The following PSME3 variants were observed in gnomAD, a reference collection of about 807,000 sequenced individuals.
PSME3 encodes proteasome activator subunit 3.
A neutral mutation model predicts 38.3 loss-of-function variants in PSME3; 7 were observed. The observed-to-expected ratio is 0.18, with a 90% confidence interval of 0.10 to 0.34. The LOEUF is 0.34. Ranked by LOEUF, PSME3 falls within the 10% of genes least tolerant of loss-of-function variation. The probability of loss-of-function intolerance (pLI) is 1.00; values close to 1 mark genes in which losing one functional copy is unlikely to be tolerated. For missense variants in PSME3, 192 were observed against 307.6 expected (o/e 0.62, Z 2.81); for synonymous variants, 108 against 105.7 (o/e 1.02, Z -0.13).
rs747536050 is a variant in PSME3, at chr17:42,833,646, G to A, written c.15G>A (p.Leu5=). The change falls in exon 1 of 11, where the codon CTG becomes CTA. Residue 5 remains leucine, a synonymous_variant. Transcript: ENST00000590720. MASL[L]KVDQEVKLKV... is the part of the protein sequence containing the mutation. ...CCGGCCCGGCCATGGCCTCGTTGCT[G>A]AAGGTGGATCAGGAAGTGAAGCTCA... is the stretch of plus-strand genomic sequence containing the variant. The A allele has an allele frequency of 1.2e-6, 2 of 1,614,126 alleles. No individual in the cohort carries two copies. The highest frequency in any genetic ancestry group is 1.3e-5 in the African/African-American group (1 of 74,944).
At position 42,843,274 on chromosome 17, in the gene PSME3, T is replaced by G. The variant is rs538726036; in HGVS notation, c.*1696T>G. On this transcript the variant is annotated 3_prime_UTR_variant, in exon 11 of 11. Transcript: ENST00000590720. ...GACCCTGGTGCAATGCTCTGGTGGC[T>G]AGGGATGTACTCATGCTCATATGTG... is the stretch of plus-strand genomic sequence containing the variant. 3 of 152,898 alleles carry G rather than the reference T, an allele frequency of 2.0e-5. No individual in the cohort carries two copies. The South Asian group carries it at 6.2e-4, about 32-fold the overall frequency. The allele number at this position is 152,898 out of a possible 1,614,324, so 9.5% of individuals were successfully genotyped here. A position where few individuals can be genotyped will look rare whatever the true frequency, so the allele number is the denominator to read the frequency against.
At chr17:42,835,875 G>C (rs184902345) in intron 4 of PSME3, among the ~76,000 whole-genome samples, 2 of 152,068 alleles carry the variant, frequency 1.3e-5, no homozygotes, top group African/African-American at 4.8e-5. Flanking sequence ...TCTTTGCTTT[G>C]CATCTCTAAC....
At chr17:42,834,697 A>G in intron 3 of PSME3, 75 bp from the exon 4 acceptor site, 1 of 1,604,152 alleles carries the variant, frequency 6.2e-7, no homozygotes, top group South Asian at 1.1e-5. Context: ...AAGCACTTTC[A>G]TTTCTTGCTC....
chr17:42,840,524 C>T (rs1257471934), intron 10 of PSME3, among the ~76,000 whole-genome samples: 1 of 151,534 alleles, frequency 6.6e-6, no homozygotes, highest in Non-Finnish European at 1.5e-5. Context: ...AGGAGAATCG[C>T]TTGAACCCAA....
chr17:42,834,654 G>T, intron 3 of PSME3, 77 bp downstream of exon 3: 3 of 1,601,796 alleles, frequency 1.9e-6, no homozygotes, highest in Admixed American at 3.5e-5. Flanking sequence ...ATAAACTGTT[G>T]ATTCTTCTTC....
intron 4 of PSME3, among the ~76,000 whole-genome samples, chr17:42,836,883 CTT>C (rs529455982): frequency 1.5e-4 from 21 of 137,266 alleles, no homozygotes; most frequent in Admixed American, 1.4e-4. Context: ...TCTTTATTTC[CTT>C]TTTTTTTTTT....
At chr17:42,834,962 A>G in intron 4 of PSME3, 86 bp downstream of exon 4, 1 of 1,561,762 alleles carries the variant, frequency 6.4e-7, no homozygotes, top group Middle Eastern at 1.8e-4. Flanking sequence ...GTACAGAGGG[A>G]ACAGTGGGAT....
intron 1 of PSME3, 196 bp from the exon 2 acceptor site, chr17:42,834,148 A>G (rs977581478): frequency 6.7e-7 from 1 of 1,487,210 alleles, no homozygotes; most frequent in Non-Finnish European, 8.9e-7. Flanking sequence ...GGAGACAGGC[A>G]GGTGCTGTCC....
chr17:42,837,784 C>A, intron 5 of PSME3, 87 bp downstream of exon 5: 1 of 1,443,094 alleles, frequency 6.9e-7, no homozygotes, highest in Non-Finnish European at 9.7e-7. Flanking sequence ...TTCTCCTGAC[C>A]AGGAGGCAAG....
chr17:42,836,648 C>T (rs1165356088), intron 4 of PSME3, among the ~76,000 whole-genome samples: 1 of 152,004 alleles, frequency 6.6e-6, no homozygotes, highest in Admixed American at 6.5e-5. Context: ...CAACCTCAAA[C>T]TCCTGGGTTC....
At position 42,843,716 on chromosome 17, in the gene PSME3, TC is replaced by T. The variant is rs2055562917; in HGVS notation, c.*2139del. 6.6e-6 allele frequency: 1 copy of T among 152,480 alleles called. No homozygotes were observed. Among genetic ancestry groups the T allele is most frequent in the South Asian group, 2.1e-4 (1 of 4,824 alleles). The allele number at this position is 152,480 out of a possible 1,614,324, so 9.4% of individuals were successfully genotyped here. A position where few individuals can be genotyped will look rare whatever the true frequency, so the allele number is the denominator to read the frequency against. On this transcript the variant is annotated 3_prime_UTR_variant, in exon 11 of 11. Transcript: ENST00000590720. ...AATTACTTGGAGGGCTGCCTAGGAA[TC>T]TATCTCCCTCTGAAATAAAGTTTCC...
chr17:42,833,725 C>G (rs758657347), intron 1 of PSME3, 52 bp downstream of exon 1: 1 of 1,614,198 alleles, frequency 6.2e-7, no homozygotes, highest in South Asian at 1.1e-5. Flanking sequence ...CCCCAGCAGT[C>G]TGACCGGCTT....
chr17:42,834,918 T>A, intron 4 of PSME3, 42 bp downstream of exon 4: 1 of 1,608,452 alleles, frequency 6.2e-7, no homozygotes, highest in Non-Finnish European at 8.5e-7. Flanking sequence ...GAGCAGTAGG[T>A]CCTCTGTCCT....
At chr17:42,839,063 G>T (rs1159308750) in intron 8 of PSME3, 49 bp from the exon 9 acceptor site, 1 of 1,598,956 alleles carries the variant, frequency 6.3e-7, no homozygotes, top group African/African-American at 1.3e-5. Context: ...GAGGTGGTGG[G>T]CACCATCAAG....
At chr17:42,839,072 A>G (rs1432746911) in intron 8 of PSME3, 40 bp from the exon 9 acceptor site, 5 of 1,594,686 alleles carry the variant, frequency 3.1e-6, no homozygotes, top group Admixed American at 1.7e-5. Context: ...GGCACCATCA[A>G]GGGTCTCCTG....
chr17:42,841,093 A>G (rs2055526753), intron 10 of PSME3, among the ~76,000 whole-genome samples: 1 of 149,060 alleles, frequency 6.7e-6, no homozygotes, highest in African/African-American at 2.5e-5. Flanking sequence ...AGATCGCGCC[A>G]TTGCACTCCA....
chr17:42,834,827 C>T lies in PSME3; in HGVS notation c.194C>T (p.Pro65Leu). Residue 65 changes from proline to leucine, a missense_variant, in exon 4 of 11, where the codon CCA (proline) becomes CTA (leucine). This residue lies in a region of PSME3 where 110 missense variants were observed against 139.3 expected (regional missense o/e 0.79). Coordinates refer to ENST00000590720, the MANE Select transcript of PSME3 (RefSeq NM_005789.4). ...LTQIHSDMNLPVPDPILLTNS... is the reference protein window; with the variant it reads ...LTQIHSDMNLLVPDPILLTNS... Reference sequence around the variant, plus strand: ...CAGATCCACTCTGACATGAATCTCCCAGTCCCTGACCCCATTCTTCTCACC... The same window carrying T: ...CAGATCCACTCTGACATGAATCTCCTAGTCCCTGACCCCATTCTTCTCACC... 1 of 1,614,086 alleles carries T rather than the reference C, an allele frequency of 6.2e-7. No homozygotes were observed. Among genetic ancestry groups the T allele is most frequent in the Non-Finnish European group, 8.5e-7 (1 of 1,179,984 alleles).
chr17:42,838,705 G>A, intron 6 of PSME3, 26 bp from the exon 7 acceptor site: 2 of 1,607,062 alleles, frequency 1.2e-6, no homozygotes, highest in Non-Finnish European at 1.7e-6. Flanking sequence ...TCAGGCAAAG[G>A]TCCTCATATA....
At chr17:42,835,881 C>CT (rs1159179787) in intron 4 of PSME3, among the ~76,000 whole-genome samples, 3 of 152,180 alleles carry the variant, frequency 2.0e-5, no homozygotes, top group Non-Finnish European at 4.4e-5. Flanking sequence ...CTTTGCATCT[C>CT]TAACACCTAG....
Sources: allele counts gnomAD v4.1 joint callset (sites outside exome capture counted in the v4.1 genomes callset), GRCh38; gene constraint gnomAD v4.1.1; regional missense constraint gnomAD v4.1.1; transcripts MANE v1.5; gene names NCBI Gene and HGNC (gene_info 2026-07-23, HGNC 2026-07-21).